The following LIFR variants were observed in gnomAD, a reference collection of about 807,000 sequenced individuals.
The protein encoded by LIFR is leukemia inhibitory factor receptor.
LIFR carries 84 observed loss-of-function variants against 122.2 expected under a neutral mutation model. The observed-to-expected ratio is 0.69, with a 90% confidence interval of 0.58 to 0.82. The LOEUF is 0.82. Among genes scored for constraint, LIFR ranks in the 40% least tolerant of loss-of-function variants. The pLI, the probability that LIFR is intolerant of heterozygous loss-of-function variation, is 0.00. For missense variants in LIFR, 1,294 were observed against 1,311.6 expected (o/e 0.99, Z 0.21); for synonymous variants, 422 against 434.7 (o/e 0.97, Z 0.36).
At chr5:38,592,897 C>T (rs1248259501) in intron 1 of LIFR, among the ~76,000 whole-genome samples, 1 of 151,672 alleles carries the variant, frequency 6.6e-6, no homozygotes, top group Non-Finnish European at 1.5e-5. Flanking sequence ...TCCTGATTAG[C>T]CAGGAAAGAA....
chr5:38,494,116 A>C (rs1428692992), intron 13 of LIFR, among the ~76,000 whole-genome samples: 1 of 152,216 alleles, frequency 6.6e-6, no homozygotes, highest in African/African-American at 2.4e-5. Flanking sequence ...TGGCTGGGAC[A>C]GGGTGGGAGA....
chr5:38,604,919 C>T (rs1750295109), intron 2 of LIFR, among the ~76,000 whole-genome samples: 1 of 151,972 alleles, frequency 6.6e-6, no homozygotes, highest in Admixed American at 6.6e-5. Context: ...GGGGCAGCTT[C>T]CAGGTCATAG....
At chr5:38,592,798 G>A (rs1749971215) in intron 1 of LIFR, among the ~76,000 whole-genome samples, 1 of 151,990 alleles carries the variant, frequency 6.6e-6, no homozygotes, top group Non-Finnish European at 1.5e-5. Flanking sequence ...TATAATGGTT[G>A]TACATATATT....
At chr5:38,531,136 C>A (rs1049228990) in intron 1 of LIFR, among the ~76,000 whole-genome samples, 3 of 152,150 alleles carry the variant, frequency 2.0e-5, no homozygotes, top group Non-Finnish European at 4.4e-5. Flanking sequence ...TGGAAAGTTT[C>A]TATTTCATAC....
At position 38,523,438 on chromosome 5, in the gene LIFR, C is replaced by G. The variant is rs1379549094; in HGVS notation, c.542G>C (p.Ser181Thr). 2 of 1,611,968 alleles carry G rather than the reference C, an allele frequency of 1.2e-6. No individual in the cohort carries two copies. Among genetic ancestry groups the G allele is most frequent in the African/African-American group, 1.3e-5 (1 of 74,794 alleles). ...ACTTACTAATTTTACGAGCTCCATA[C>G]TCTCTTTACGTAGAACTTTAATTTC... The part of the protein sequence containing the change: ...IWEIKVLRKE[S>T]MELVKLVTHN... Residue 181 changes from serine (S) to threonine (T), a missense_variant, in exon 5 of 20, where the codon AGT becomes ACT. By Grantham distance (58) the Ser-to-Thr change is moderately conservative (BLOSUM62 1). Transcript: ENST00000453190.
rs749158437 is a variant in LIFR, at chr5:38,579,767, A to G, written c.-20+15494T>C. ...TGAGCTATTCCTAATAGAATGTTGC[A>G]TAATAAACTCTGTGTAGCTTTGAGC... On this transcript the variant is annotated intron_variant, in intron 1 of 19. Coordinates refer to the LIFR transcript ENST00000263409. Among the ~76,000 whole-genome samples the G allele has an allele frequency of 3.7e-4, 56 of 152,344 alleles. 1 individual carries two copies. Among genetic ancestry groups the G allele is most frequent in the South Asian group, 1.2e-3 (6 of 4,822 alleles).
intron 5 of LIFR, among the ~76,000 whole-genome samples, chr5:38,515,462 AC>A (rs1746024998): frequency 6.6e-6 from 1 of 152,196 alleles, no homozygotes; most frequent in African/African-American, 2.4e-5. Flanking sequence ...ACACAAAAAA[AC>A]AAGATAATAT....
At chr5:38,482,251 T>C in intron 19 of LIFR, 33 bp from the exon 20 acceptor site, 2 of 1,588,830 alleles carry the variant, frequency 1.3e-6, no homozygotes, top group Non-Finnish European at 1.7e-6. Context: ...TGATTAAAAA[T>C]AGCACTAAAT....
upstream of LIFR, chr5:38,557,135 C>A (rs900469324): frequency 6.6e-6 from 1 of 152,238 alleles, no homozygotes; most frequent in African/African-American, 2.4e-5. Flanking sequence ...TGCGAATTAC[C>A]TAAACAGCCC....
intron 1 of LIFR, among the ~76,000 whole-genome samples, chr5:38,567,496 GTATTTATTTATTTATTTATT>G (rs56285132): frequency 6.8e-5 from 9 of 132,882 alleles, no homozygotes; most frequent in African/African-American, 2.3e-4. Flanking sequence ...TGACCATTCT[GTATTTATTTATTTATTTATT>G]TATTTATTTA....
At chr5:38,586,604 T>TTCCAAGTGCTAACATGTAGGCACCA (rs1260565676) in intron 1 of LIFR, among the ~76,000 whole-genome samples, 6 of 152,178 alleles carry the variant, frequency 3.9e-5, no homozygotes, top group Non-Finnish European at 7.3e-5. Flanking sequence ...ACATGTAGAT[T>TTCCAAGTGCTAACATGTAGGCACCA]CCTATAGGCA....
At chr5:38,547,727 T>C (rs936554642) in intron 1 of LIFR, among the ~76,000 whole-genome samples, 1 of 152,194 alleles carries the variant, frequency 6.6e-6, no homozygotes, top group African/African-American at 2.4e-5. Context: ...AAGGATACAG[T>C]TCTGAGAGAC....
chr5:38,551,197 T>C (rs1229346473), intron 1 of LIFR, among the ~76,000 whole-genome samples: 1 of 152,212 alleles, frequency 6.6e-6, no homozygotes, highest in Non-Finnish European at 1.5e-5. Context: ...TACTGCATTA[T>C]AAACACTAAG....
intron 18 of LIFR, among the ~76,000 whole-genome samples, chr5:38,483,097 C>T (rs960588856): frequency 2.6e-5 from 4 of 152,148 alleles, no homozygotes; most frequent in South Asian, 2.1e-4. Context: ...TTAATCTTGA[C>T]CAAAAACTAA....
At position 38,526,575 on chromosome 5, in the gene LIFR, T is replaced by C. The variant is rs1353673539; in HGVS notation, c.397+580A>G. 2.6e-5 allele frequency among the ~76,000 whole-genome samples: 4 copies of C among 152,188 alleles called. No homozygotes were observed. The East Asian group carries it at 5.8e-4, about 22-fold the overall frequency. On this transcript the variant is annotated intron_variant, in intron 4 of 19. Coordinates refer to ENST00000453190, the MANE Select transcript of LIFR (RefSeq NM_001127671.2). ...ATCCAGATCCTCTAAAGGACAGCTA[T>C]ACATGCATTGCAGAGCTTCTCTTGC... is the stretch of plus-strand genomic sequence containing the variant.
intron 1 of LIFR, among the ~76,000 whole-genome samples, chr5:38,574,624 A>C (rs1749323566): frequency 6.6e-6 from 1 of 152,218 alleles, no homozygotes; most frequent in Non-Finnish European, 1.5e-5. Context: ...CCTCAGTTAC[A>C]CAGTCAAACT....
Position 38,478,904 on chromosome 5 carries a change from C to A in LIFR, c.*2691G>T. 1 of 228,736 alleles carries A rather than the reference C, an allele frequency of 4.4e-6. No homozygotes were observed. The highest frequency in any genetic ancestry group is 6.2e-5 in the East Asian group (1 of 16,090). 14.2% of individuals were successfully genotyped at this position (228,736 alleles called of 1,614,324 possible). On this transcript the variant is annotated 3_prime_UTR_variant, in exon 20 of 20. Transcript: ENST00000453190. ...AAGGGCTGGAGAGAACACATCTAGC[C>A]TCTGCTTCTAACTAGTCCTTAATTG...
In LIFR at chr5:38,476,932, C is replaced by G. The variant is rs1012674708; in HGVS notation, c.*4663G>C. The G allele has an allele frequency of 4.6e-6, 1 of 217,258 alleles. No homozygotes were observed. Among genetic ancestry groups the G allele is most frequent in the Non-Finnish European group, 9.2e-6 (1 of 108,150 alleles). The allele number at this position is 217,258 out of a possible 1,614,324, so 13.5% of individuals were successfully genotyped here. ...TTCCTAATATAGGGAAAAATAAGCA[C>G]CATTCATAGCTAAAAATAATAGAAT... On this transcript the variant is annotated 3_prime_UTR_variant, in exon 20 of 20. Coordinates refer to ENST00000453190, the MANE Select transcript of LIFR (RefSeq NM_001127671.2).
intron 1 of LIFR, among the ~76,000 whole-genome samples, chr5:38,592,915 G>A (rs953857500): frequency 1.3e-5 from 2 of 151,666 alleles, no homozygotes; most frequent in Non-Finnish European, 2.9e-5. Context: ...GAATCAAGGA[G>A]AAGGAGCAGC....
Sources: gnomAD v4.1 joint callset for allele counts (sites outside exome capture counted in the v4.1 genomes callset) on GRCh38, gnomAD v4.1.1 for gene constraint, MANE v1.5 for transcripts, NCBI Gene and HGNC (gene_info 2026-07-23, HGNC 2026-07-21) for gene names.